Variants in TLN2 observed in about 807,000 individuals in gnomAD.
TLN2 encodes talin-2.
Under a neutral mutation model 294.7 loss-of-function variants are expected in TLN2, and 118 were observed. The ratio of observed to expected loss-of-function variants is 0.40; its 90% CI spans 0.34 to 0.47. The LOEUF is 0.47. Among genes scored for constraint, TLN2 ranks in the 20% least tolerant of loss-of-function variants. The pLI is 0.84. For missense variants in TLN2, 3,083 were observed against 3,282.2 expected, an observed-to-expected ratio of 0.94 and a Z score of 1.48; for synonymous variants, 1,431 against 1,304.5, an observed-to-expected ratio of 1.10 and a Z score of -2.09.
At chr15:62,833,858 C>T (rs1019192696) in intron 55 of TLN2, 9 of 478,128 alleles carry the variant, frequency 1.9e-5, no homozygotes, top group Non-Finnish European at 3.2e-5. Context: ...GGAAAGCATC[C>T]CATTCCAGGC....
At chr15:62,466,852 C>G (rs1271233417) in intron 1 of TLN2, among the ~76,000 whole-genome samples, 1 of 152,214 alleles carries the variant, frequency 6.6e-6, no homozygotes, top group Non-Finnish European at 1.5e-5. Context: ...CTGACCTTGT[C>G]TCCACTAAGC....
At chr15:62,614,589 A>G (rs1378284637) in intron 2 of TLN2, among the ~76,000 whole-genome samples, 1 of 152,174 alleles carries the variant, frequency 6.6e-6, no homozygotes, top group African/African-American at 2.4e-5. Context: ...TTGTAAAAGG[A>G]CTGCGAAGGA....
chr15:62,707,702 C>A (rs2141118075), intron 20 of TLN2, among the ~76,000 whole-genome samples: 1 of 152,312 alleles, frequency 6.6e-6, no homozygotes, highest in Middle Eastern at 3.4e-3. Context: ...CACCTCATTA[C>A]ATCTCCCCGG....
intron 45 of TLN2, among the ~76,000 whole-genome samples, chr15:62,786,520 G>T (rs1312594309): frequency 1.3e-5 from 2 of 152,152 alleles, no homozygotes; most frequent in Non-Finnish European, 2.9e-5. Context: ...AAAAAAAGAA[G>T]AAGAAAGAAC....
At chr15:62,754,712 T>C (rs2141004283) in intron 36 of TLN2, 1 of 152,336 alleles carries the variant, frequency 6.6e-6, no homozygotes, top group South Asian at 2.1e-4. Flanking sequence ...AGAGCTGGTG[T>C]ATCTGGGAGT....
chr15:62,426,091 A>G (rs1336763936), intron 1 of TLN2, among the ~76,000 whole-genome samples: 1 of 152,180 alleles, frequency 6.6e-6, no homozygotes, highest in Non-Finnish European at 1.5e-5. Context: ...GCCCAGCCGT[A>G]TCTCACATTT....
In TLN2 at chr15:62,543,364, C is replaced by T. The variant is rs149997480; in HGVS notation, c.-237-46323C>T. On this transcript the variant is annotated intron_variant, in intron 1 of 58. Coordinates refer to ENST00000636159, the MANE Select transcript of TLN2 (RefSeq NM_015059.3). The stretch of plus-strand genomic sequence containing the variant: ...CTATGCCAAGCTCTAGGACAGGGGC[C>T]GGAGATATAATTATGTGCAATGTGG... 9.1e-4 allele frequency among the ~76,000 whole-genome samples: 139 copies of T among 152,224 alleles called. 1 individual carries two copies. The highest frequency in any genetic ancestry group is 6.8e-3 in the Middle Eastern group (2 of 294).
At chr15:62,759,371 C>A (rs147095097) in intron 37 of TLN2, among the ~76,000 whole-genome samples, 2 of 152,206 alleles carry the variant, frequency 1.3e-5, no homozygotes, top group African/African-American at 2.4e-5. Flanking sequence ...CTTTGACCTG[C>A]AAATAGCAAT....
chr15:62,738,106 T>G (rs2140961083), intron 29 of TLN2, 108 bp from the exon 30 acceptor site: 171 of 1,278,680 alleles, frequency 1.3e-4, no homozygotes, highest in East Asian at 6.1e-4. Flanking sequence ...TGGATGCTGG[T>G]GGGTCATTTC....
intron 1 of TLN2, among the ~76,000 whole-genome samples, chr15:62,503,985 T>C (rs992973122): frequency 6.6e-6 from 1 of 152,102 alleles, no homozygotes; most frequent in African/African-American, 2.4e-5. Context: ...CTGCCTGTTT[T>C]TTCATCTGTG....
At chr15:62,760,918 CAG>C (rs2062622227) in intron 37 of TLN2, among the ~76,000 whole-genome samples, 1 of 152,112 alleles carries the variant, frequency 6.6e-6, no homozygotes, top group Admixed American at 6.5e-5. Flanking sequence ...GATTAAGAAA[CAG>C]AATGTTATTG....
chr15:62,804,223 GATCAAAGAGACTTGAAATTTGGAGCC>G (rs1218961169), intron 50 of TLN2, among the ~76,000 whole-genome samples: 2 of 152,200 alleles, frequency 1.3e-5, no homozygotes, highest in Non-Finnish European at 2.9e-5. Flanking sequence ...TAATGGTGGT[GATCAAAGAGACTTGAAATTTGGAGCC>G]ATCCTGGGAA....
chr15:62,593,679 A>G (rs1237152910), intron 2 of TLN2, among the ~76,000 whole-genome samples: 1 of 152,244 alleles, frequency 6.6e-6, no homozygotes, highest in African/African-American at 2.4e-5. Flanking sequence ...TTAGCTGCGA[A>G]ATTCCATACT....
chr15:62,467,720 A>G (rs189437575), intron 1 of TLN2, among the ~76,000 whole-genome samples: 80 of 152,282 alleles, frequency 5.3e-4, no homozygotes, highest in African/African-American at 1.9e-3. Context: ...GCATGCACAT[A>G]TTGAATAATT....
chr15:62,649,063 G>A (rs2052274543), intron 4 of TLN2, among the ~76,000 whole-genome samples: 1 of 152,112 alleles, frequency 6.6e-6, no homozygotes, highest in African/African-American at 2.4e-5. Flanking sequence ...GCCCAGGCTG[G>A]TCTCATACTC....
Position 62,731,035 on chromosome 15 carries a change from CA to C in TLN2, c.3358+3847del, listed in dbSNP as rs1157726497. ...CAGTATCCGCTTTTGATCTATCTTC[CA>C]GTTCACTTTTCCTCTCTTTAGCGGT... On this transcript the variant is annotated intron_variant, in intron 28 of 58. Coordinates refer to ENST00000636159, the MANE Select transcript of TLN2 (RefSeq NM_015059.3). Among the ~76,000 whole-genome samples the C allele has an allele frequency of 3.3e-5, 5 of 152,204 alleles. No individual in the cohort carries two copies. The East Asian group carries it at 5.8e-4, about 18-fold the overall frequency.
At position 62,792,728 on chromosome 15, in the gene TLN2, C is replaced by T; in HGVS notation, c.5824C>T (p.Pro1942Ser). Residue 1942 changes from proline (P) to serine (S), a missense_variant, in exon 46 of 59, where the codon CCC (proline) becomes TCC (serine). Physicochemically the swap from Pro to Ser is moderately conservative, Grantham distance 74 (BLOSUM62 -1). Coordinates refer to ENST00000636159, the MANE Select transcript of TLN2 (RefSeq NM_015059.3). ...VQKAGALQVCPTDSYTKRELI... is the reference protein window; with the variant it reads ...VQKAGALQVCSTDSYTKRELI... ...GAAGGCAGGGGCCCTCCAGGTCTGC[C>T]CCACAGACAGCTACACCAAGAGGGA... 2 of 1,614,022 alleles carry T rather than the reference C, an allele frequency of 1.2e-6. No homozygotes were observed. The highest frequency in any genetic ancestry group is 1.7e-6 in the Non-Finnish European group (2 of 1,180,026).
chr15:62,590,884 C>T (rs1304126053), intron 2 of TLN2, among the ~76,000 whole-genome samples: 1 of 151,864 alleles, frequency 6.6e-6, no homozygotes, highest in Non-Finnish European at 1.5e-5. Context: ...TTGTTTCCTT[C>T]TCTTCTTTGG....
At chr15:62,797,152 C>A (rs904867521) in intron 47 of TLN2, 67 bp from the exon 48 acceptor site, 2 of 1,568,454 alleles carry the variant, frequency 1.3e-6, no homozygotes, top group Non-Finnish European at 1.8e-6. Flanking sequence ...GATTTCTTTT[C>A]TTCTTGAAGT....
Sources: allele counts gnomAD v4.1 joint callset (sites outside exome capture counted in the v4.1 genomes callset), GRCh38; gene constraint gnomAD v4.1.1; transcripts MANE v1.5; gene names NCBI Gene and HGNC (gene_info 2026-07-23, HGNC 2026-07-21).